Variants in LARGE1 observed in about 807,000 individuals in gnomAD.
LARGE1 encodes the protein LARGE xylosyl- and glucuronyltransferase 1.
In LARGE1, 43 loss-of-function variants were observed where a neutral mutation model predicts 87.6. The ratio of observed to expected loss-of-function variants is 0.49; its 90% CI spans 0.38 to 0.63. The LOEUF is 0.63. Ranked by LOEUF, LARGE1 falls within the 30% of genes least tolerant of loss-of-function variation. The probability of loss-of-function intolerance (pLI) is 0.00; values close to 1 mark genes in which losing one functional copy is unlikely to be tolerated. For missense variants in LARGE1, 802 were observed against 1,000.2 expected (o/e 0.80, Z 2.67); for synonymous variants, 434 against 394.6 (o/e 1.10, Z -1.18).
chr22:33,586,937 T>C (rs1351558198), intron 5 of LARGE1, among the ~76,000 whole-genome samples: 1 of 152,266 alleles, frequency 6.6e-6, no homozygotes. Flanking sequence ...TACCCAGAGG[T>C]AACATATTAA....
rs574644712 is a variant in LARGE1 at position 33,820,172 on chromosome 22, C to A, written c.-82-58614G>T. 3.3e-5 allele frequency among the ~76,000 whole-genome samples: 5 copies of A among 152,180 alleles called. No individual in the cohort carries two copies. In the South Asian group the frequency reaches 8.3e-4, roughly 25 times the overall value. On this transcript the variant is annotated intron_variant, in intron 1 of 14. Coordinates refer to ENST00000397394, the MANE Select transcript of LARGE1 (RefSeq NM_133642.5). Reference sequence around the variant, plus strand: ...TTTAACTAATGTACCATTCTTCCTGCCTAAAGGAATAGTTATGCTGATTAA... The same window carrying A: ...TTTAACTAATGTACCATTCTTCCTGACTAAAGGAATAGTTATGCTGATTAA...
chr22:33,199,942 C>T (rs137442), intron 11 of LARGE1, among the ~76,000 whole-genome samples: 85,303 of 151,312 alleles, frequency 0.56, 24,382 homozygotes, highest in Middle Eastern at 0.62. Flanking sequence ...CTCTGCCTCC[C>T]GGGTTCAAGC....
At chr22:33,446,777 T>C (rs2067702387) in intron 6 of LARGE1, among the ~76,000 whole-genome samples, 1 of 152,172 alleles carries the variant, frequency 6.6e-6, no homozygotes, top group Non-Finnish European at 1.5e-5. Flanking sequence ...GGCAGGACCA[T>C]CCTGCTGTAT....
chr22:33,397,390 C>T (rs897803631), intron 7 of LARGE1, among the ~76,000 whole-genome samples: 5 of 152,236 alleles, frequency 3.3e-5, no homozygotes, highest in African/African-American at 1.2e-4. Flanking sequence ...GCTGGGATTA[C>T]AGGCATGAGC....
At chr22:33,380,714 G>C (rs2065128690) in intron 9 of LARGE1, among the ~76,000 whole-genome samples, 1 of 152,146 alleles carries the variant, frequency 6.6e-6, no homozygotes, top group Non-Finnish European at 1.5e-5. Flanking sequence ...AAGTACAAAA[G>C]ACTAATTTAT....
chr22:33,199,843 C>CTTTT (rs3071494), intron 11 of LARGE1, among the ~76,000 whole-genome samples: 1 of 146,698 alleles, frequency 6.8e-6, no homozygotes. Context: ...CGTGCAGACA[C>CTTTT]TTTTTTTTTT....
chr22:33,245,406 A>G (rs1268060294), intron 11 of LARGE1, among the ~76,000 whole-genome samples: 1 of 152,180 alleles, frequency 6.6e-6, no homozygotes, highest in Non-Finnish European at 1.5e-5. Context: ...TCAACAAGCA[A>G]AGTGCCTTGA....
intron 2 of LARGE1, among the ~76,000 whole-genome samples, chr22:33,701,911 A>G (rs1453779757): frequency 6.6e-6 from 1 of 152,232 alleles, no homozygotes; most frequent in Non-Finnish European, 1.5e-5. Context: ...CTTAGGGGAT[A>G]TTTGAGTGTC....
intron 1 of LARGE1, among the ~76,000 whole-genome samples, chr22:33,794,690 G>C (rs925236581): frequency 1.2e-5 from 1 of 81,482 alleles, no homozygotes; most frequent in Non-Finnish European, 2.4e-5. Context: ...GCACGATCTC[G>C]GCTCACTGCA....
At chr22:33,310,356 C>T (rs1385626182) in intron 11 of LARGE1, among the ~76,000 whole-genome samples, 3 of 152,182 alleles carry the variant, frequency 2.0e-5, no homozygotes, top group African/African-American at 7.2e-5. Flanking sequence ...GAACCAGGCT[C>T]TCCCTGGTGT....
At chr22:33,817,191 AC>A (rs2086679655) in intron 1 of LARGE1, among the ~76,000 whole-genome samples, 1 of 152,090 alleles carries the variant, frequency 6.6e-6, no homozygotes, top group Admixed American at 6.5e-5. Context: ...AAGTTTCTTC[AC>A]AACCTGGTGC....
chr22:33,395,097 C>T (rs535278833), intron 7 of LARGE1, among the ~76,000 whole-genome samples: 21 of 152,018 alleles, frequency 1.4e-4, no homozygotes, highest in South Asian at 1.2e-3. Flanking sequence ...GGCGTGGTGG[C>T]GGGCCCCTGT....
chr22:33,458,707 C>G (rs550931875), intron 6 of LARGE1, among the ~76,000 whole-genome samples: 1 of 152,146 alleles, frequency 6.6e-6, no homozygotes, highest in Non-Finnish European at 1.5e-5. Context: ...GGATTACATG[C>G]GTGAGCCACT....
At chr22:33,571,066 G>C (rs1285992284) in intron 5 of LARGE1, among the ~76,000 whole-genome samples, 3 of 151,878 alleles carry the variant, frequency 2.0e-5, no homozygotes, top group Non-Finnish European at 4.4e-5. Context: ...ATAAAAATGA[G>C]AGTTAGTTTA....
the LARGE1 span, among the ~76,000 whole-genome samples, chr22:33,135,039 A>G: frequency 6.6e-6 from 1 of 152,358 alleles, no homozygotes; most frequent in East Asian, 1.9e-4. Flanking sequence ...CAGCCCCAGG[A>G]GAAGAGCAGG....
At chr22:33,767,745 C>A (rs985099942) in intron 1 of LARGE1, among the ~76,000 whole-genome samples, 1 of 152,028 alleles carries the variant, frequency 6.6e-6, no homozygotes, top group African/African-American at 2.4e-5. Flanking sequence ...GAATAAAAAT[C>A]TAAGAAAAAA....
chr22:33,098,799 G>T, the LARGE1 span, among the ~76,000 whole-genome samples: 1 of 152,082 alleles, frequency 6.6e-6, no homozygotes, highest in East Asian at 1.9e-4. Flanking sequence ...ACCCCACACC[G>T]CACCTTCTCC....
intron 6 of LARGE1, among the ~76,000 whole-genome samples, chr22:33,506,620 G>A (rs1390560243): frequency 1.3e-5 from 2 of 152,158 alleles, no homozygotes; most frequent in East Asian, 3.9e-4. Context: ...AGGAGAACTG[G>A]CCTGGGGCAG....
intron 6 of LARGE1, among the ~76,000 whole-genome samples, chr22:33,479,506 G>T (rs950577968): frequency 2.6e-5 from 4 of 152,166 alleles, no homozygotes; most frequent in African/African-American, 9.7e-5. Context: ...CAGTCAACAG[G>T]ACTAGAACAG....
Sources: allele counts gnomAD v4.1 joint callset (sites outside exome capture counted in the v4.1 genomes callset), GRCh38; gene constraint gnomAD v4.1.1; transcripts MANE v1.5; gene names NCBI Gene and HGNC (gene_info 2026-07-23, HGNC 2026-07-21).